The following PAM variants were observed in gnomAD, a reference collection of about 807,000 sequenced individuals.
The protein encoded by PAM is peptidyl-glycine alpha-amidating monooxygenase.
PAM carries 72 observed loss-of-function variants against 122.1 expected under a neutral mutation model. That is an observed-to-expected ratio of 0.59 (90% CI 0.49 to 0.72). The LOEUF (loss-of-function observed/expected upper bound fraction) is 0.72, where lower values mean the gene tolerates loss of function less well. Among genes scored for constraint, PAM ranks in the 30% least tolerant of loss-of-function variants. PAM has a pLI of 0.00. For missense variants in PAM, 1,106 were observed against 1,183.7 expected (o/e 0.93, Z 0.96); for synonymous variants, 389 against 404.4 (o/e 0.96, Z 0.46).
chr5:103,026,616 C>G (rs1785005894), intron 24 of PAM, among the ~76,000 whole-genome samples: 1 of 152,104 alleles, frequency 6.6e-6, no homozygotes, highest in Non-Finnish European at 1.5e-5. Context: ...ATAGATGCTT[C>G]AAAAGAGCAA....
At chr5:102,808,911 A>G (rs1767016369) in intron 1 of PAM, among the ~76,000 whole-genome samples, 1 of 152,238 alleles carries the variant, frequency 6.6e-6, no homozygotes, top group Admixed American at 6.5e-5. Flanking sequence ...TTTTCCTTGA[A>G]TATGTATCCA....
intron 1 of PAM, among the ~76,000 whole-genome samples, chr5:102,781,205 T>C (rs1255652904): frequency 6.6e-6 from 1 of 152,148 alleles, no homozygotes; most frequent in Non-Finnish European, 1.5e-5. Context: ...TTTTAATAAT[T>C]ACTCATTTTT....
At chr5:102,796,109 T>G (rs1763311933) in intron 1 of PAM, among the ~76,000 whole-genome samples, 1 of 152,190 alleles carries the variant, frequency 6.6e-6, no homozygotes, top group South Asian at 2.1e-4. Context: ...GAAGAGGCAC[T>G]GGACATTTGT....
intron 1 of PAM, among the ~76,000 whole-genome samples, chr5:102,862,508 A>T (rs1169420013): frequency 6.6e-6 from 1 of 152,168 alleles, no homozygotes; most frequent in Non-Finnish European, 1.5e-5. Context: ...AAACTGCATA[A>T]AATCCCCTTA....
intron 7 of PAM, among the ~76,000 whole-genome samples, chr5:102,942,201 A>C (rs1581964321): frequency 6.6e-6 from 1 of 152,158 alleles, no homozygotes; most frequent in Non-Finnish European, 1.5e-5. Flanking sequence ...CAAAGTAATT[A>C]TAATTATATG....
At chr5:102,932,120 C>A (rs1321777926) in intron 7 of PAM, among the ~76,000 whole-genome samples, 1 of 152,112 alleles carries the variant, frequency 6.6e-6, no homozygotes, top group Non-Finnish European at 1.5e-5. Flanking sequence ...TTTCAATAGC[C>A]AAATTTTCCA....
At chr5:102,948,984 A>G (rs1465920061) in intron 9 of PAM, among the ~76,000 whole-genome samples, 1 of 152,114 alleles carries the variant, frequency 6.6e-6, no homozygotes, top group African/African-American at 2.4e-5. Context: ...AAAGTGCCAT[A>G]TGAAATATTG....
At chr5:102,936,855 A>C (rs1753429539) in intron 7 of PAM, among the ~76,000 whole-genome samples, 1 of 152,136 alleles carries the variant, frequency 6.6e-6, no homozygotes, top group Non-Finnish European at 1.5e-5. Context: ...AACTTTGACA[A>C]CTGGCGCTCA....
rs1325381546 is a variant in PAM at position 102,949,530 on chromosome 5, C to T, written c.644-7C>T. 5 of 1,419,254 alleles carry T rather than the reference C, an allele frequency of 3.5e-6. No individual in the cohort carries two copies. The highest frequency in any genetic ancestry group is 5.0e-6 in the Non-Finnish European group (5 of 1,002,910). 87.9% of individuals were successfully genotyped at this position (1,419,254 alleles called of 1,614,324 possible). A position where few individuals can be genotyped will look rare whatever the true frequency, so the allele number is the denominator to read the frequency against. ...GTGACTTTTGTCTGTGTTTTCATTT[C>T]CCACAGTGGTGAATTCTGACATTTC... On this transcript the variant is annotated splice_region_variant and splice_polypyrimidine_tract_variant and intron_variant, in intron 9 of 25. Coordinates refer to ENST00000438793, the MANE Select transcript of PAM (RefSeq NM_001177306.2).
chr5:102,920,317 T>G (rs1312865022), intron 5 of PAM, among the ~76,000 whole-genome samples: 1 of 152,108 alleles, frequency 6.6e-6, no homozygotes, highest in Non-Finnish European at 1.5e-5. Flanking sequence ...TCATTCACTA[T>G]GTGCCAAGCA....
intron 1 of PAM, among the ~76,000 whole-genome samples, chr5:102,795,860 C>T (rs2150043378): frequency 6.6e-6 from 1 of 152,308 alleles, no homozygotes; most frequent in African/African-American, 2.4e-5. Context: ...ACCTCATTAT[C>T]AGAGAGTTTA....
At chr5:102,800,628 A>G (rs546538019) in intron 1 of PAM, among the ~76,000 whole-genome samples, 25 of 152,240 alleles carry the variant, frequency 1.6e-4, no homozygotes, top group Admixed American at 1.2e-3. Context: ...ACTGTGCAAC[A>G]TTGCTTCCTT....
intron 14 of PAM, among the ~76,000 whole-genome samples, chr5:102,962,896 T>C (rs555674136): frequency 6.6e-6 from 1 of 151,928 alleles, no homozygotes; most frequent in Non-Finnish European, 1.5e-5. Flanking sequence ...ATACCCAAAC[T>C]CTTACTGGTC....
chr5:103,002,761 G>A (rs1460981634), intron 16 of PAM, among the ~76,000 whole-genome samples: 2 of 152,050 alleles, frequency 1.3e-5, no homozygotes, highest in Non-Finnish European at 2.9e-5. Flanking sequence ...ACCACCCAAG[G>A]GTCTTGTGAA....
chr5:103,000,543 A>G (rs564507512), intron 16 of PAM, among the ~76,000 whole-genome samples: 2 of 152,210 alleles, frequency 1.3e-5, no homozygotes, highest in East Asian at 3.9e-4. Context: ...TCTGGTACCA[A>G]TTTCCTGTAT....
chr5:102,894,191 C>T lies in PAM; in HGVS notation c.211-7165C>T, dbSNP rs555323961. 1.1e-4 allele frequency among the ~76,000 whole-genome samples: 17 copies of T among 151,620 alleles called. No homozygotes were observed. In the South Asian group the frequency reaches 3.1e-3, roughly 28 times the overall value. ...ATAGTCTTGGGAAGAGCTTGAACTA[C>T]GAGAAGAGTACCCACAGGGTCTCAG... On this transcript the variant is annotated intron_variant, in intron 3 of 25. Coordinates refer to ENST00000438793, the MANE Select transcript of PAM (RefSeq NM_001177306.2).
chr5:102,918,520 G>T (rs189528045), intron 5 of PAM, among the ~76,000 whole-genome samples: 39 of 152,120 alleles, frequency 2.6e-4, no homozygotes, highest in Admixed American at 2.4e-3. Flanking sequence ...TTAATTTAAA[G>T]TAAGTAAATT....
rs1449302840 is a variant in PAM, at chr5:103,029,537, T to TA, written c.*476dup. On this transcript the variant is annotated 3_prime_UTR_variant, in exon 26 of 26. Transcript: ENST00000438793. ...AAAGCTGCTAAATCTCCTATTTTTT[T>TA]AAAATCACTAACATTATATTGCAAT... is the stretch of plus-strand genomic sequence containing the variant. 4 of 153,076 alleles carry TA rather than the reference T, an allele frequency of 2.6e-5. No individual in the cohort carries two copies. Among genetic ancestry groups the TA allele is most frequent in the African/African-American group, 4.8e-5 (2 of 41,598 alleles). The allele number at this position is 153,076 out of a possible 1,614,324, so 9.5% of individuals were successfully genotyped here.
chr5:103,004,636 T>C (rs1220875246), intron 17 of PAM, among the ~76,000 whole-genome samples: 2 of 152,226 alleles, frequency 1.3e-5, no homozygotes, highest in Non-Finnish European at 2.9e-5. Flanking sequence ...TTTGCTTAGA[T>C]ATTCACAGCC....
Sources: allele counts gnomAD v4.1 joint callset (sites outside exome capture counted in the v4.1 genomes callset), GRCh38; gene constraint gnomAD v4.1.1; transcripts MANE v1.5; gene names NCBI Gene and HGNC (gene_info 2026-07-23, HGNC 2026-07-21).